SORBS2: variants seen among roughly 807,000 people sequenced by gnomAD.
SORBS2 encodes sorbin and SH3 domain-containing protein 2.
In SORBS2, 46 loss-of-function variants were observed where a neutral mutation model predicts 97.7. The ratio of observed to expected loss-of-function variants is 0.47; its 90% CI spans 0.37 to 0.60. SORBS2 has a LOEUF of 0.60. Ranked by LOEUF, SORBS2 falls within the 20% of genes least tolerant of loss-of-function variation. The pLI is 0.00. For missense variants in SORBS2, 1,316 were observed against 1,282.3 expected (o/e 1.03, Z -0.40); for synonymous variants, 476 against 473.4 (o/e 1.01, Z -0.07).
intron 2 of SORBS2, among the ~76,000 whole-genome samples, chr4:185,723,656 T>C (rs1161415537): frequency 1.3e-5 from 2 of 152,230 alleles, no homozygotes; most frequent in Admixed American, 6.5e-5. Context: ...AGGGAGTGTG[T>C]CTTATCCATG....
At chr4:185,640,556 G>T (rs1467030631) in intron 4 of SORBS2, among the ~76,000 whole-genome samples, 1 of 152,118 alleles carries the variant, frequency 6.6e-6, no homozygotes, top group Non-Finnish European at 1.5e-5. Flanking sequence ...AGAAGTAATA[G>T]TGAAATTGGT....
chr4:185,666,487 C>G (rs1359322836), intron 4 of SORBS2, among the ~76,000 whole-genome samples: 1 of 152,138 alleles, frequency 6.6e-6, no homozygotes, highest in Non-Finnish European at 1.5e-5. Context: ...GAAACTGTTT[C>G]CTCAGGAGTT....
chr4:185,646,207 T>C (rs2097204011), intron 4 of SORBS2: 1 of 152,544 alleles, frequency 6.6e-6, no homozygotes, highest in Non-Finnish European at 1.5e-5. Context: ...GGTCCATGTA[T>C]ATTGGGGAGA....
intron 12 of SORBS2, among the ~76,000 whole-genome samples, chr4:185,598,217 T>G (rs1441659218): frequency 6.6e-6 from 1 of 150,422 alleles, no homozygotes; most frequent in Admixed American, 6.6e-5. Context: ...CCTTGATGAA[T>G]CTTAAGAGTA....
chr4:185,952,214 G>A (rs2099277551), intron 1 of SORBS2, among the ~76,000 whole-genome samples: 1 of 152,118 alleles, frequency 6.6e-6, no homozygotes. Flanking sequence ...TTTTAGTAGA[G>A]ACAGGGTTTC....
At chr4:185,780,007 ATTTTTTTT>A (rs538693770) in intron 1 of SORBS2, among the ~76,000 whole-genome samples, 18 of 98,114 alleles carry the variant, frequency 1.8e-4, no homozygotes, top group African/African-American at 4.1e-4. Flanking sequence ...GTAGAGTAAC[ATTTTTTTT>A]TTTTTTTTTT....
intron 2 of SORBS2, among the ~76,000 whole-genome samples, chr4:185,706,689 T>TCA (rs534971385): frequency 8.8e-4 from 134 of 152,354 alleles, no homozygotes; most frequent in African/African-American, 3.2e-3. Context: ...TCCATGCTTA[T>TCA]CATTCTCTTC....
At chr4:185,727,054 C>T (rs552453455) in intron 2 of SORBS2, among the ~76,000 whole-genome samples, 103 of 152,252 alleles carry the variant, frequency 6.8e-4, no homozygotes, top group African/African-American at 2.3e-3. Context: ...ACATTAAGTA[C>T]GCTTTGAACA....
chr4:185,592,359 T>C (rs2095966456), intron 13 of SORBS2, among the ~76,000 whole-genome samples: 2 of 152,350 alleles, frequency 1.3e-5, no homozygotes, highest in East Asian at 1.9e-4. Context: ...ATCAGGACTT[T>C]GAAAATGTAA....
chr4:185,908,313 ATATATATATTTG>A (rs1561289741), intron 1 of SORBS2, among the ~76,000 whole-genome samples: 2 of 132,150 alleles, frequency 1.5e-5, no homozygotes, highest in Non-Finnish European at 3.3e-5. Context: ...ATATATATAT[ATATATATATTTG>A]TATACACACA....
chr4:185,895,536 G>A (rs2099244597), intron 1 of SORBS2, among the ~76,000 whole-genome samples: 1 of 152,232 alleles, frequency 6.6e-6, no homozygotes, highest in Non-Finnish European at 1.5e-5. Context: ...GACACCTGGT[G>A]CTGCATGGCA....
intron 2 of SORBS2, among the ~76,000 whole-genome samples, chr4:185,737,792 G>T (rs971813378): frequency 6.6e-6 from 1 of 152,212 alleles, no homozygotes; most frequent in Non-Finnish European, 1.5e-5. Context: ...ACCTCATGTT[G>T]AGTTCTGAGG....
At chr4:185,662,669 G>C (rs1440640953) in intron 4 of SORBS2, among the ~76,000 whole-genome samples, 1 of 152,226 alleles carries the variant, frequency 6.6e-6, no homozygotes, top group Non-Finnish European at 1.5e-5. Flanking sequence ...GCAAGGGATT[G>C]GTTCTCAGAC....
At chr4:185,692,218 T>A (rs1283491535) in intron 2 of SORBS2, among the ~76,000 whole-genome samples, 2 of 152,170 alleles carry the variant, frequency 1.3e-5, no homozygotes, top group African/African-American at 4.8e-5. Flanking sequence ...TGGCCTTTGC[T>A]CCTGAGTGGG....
exon 15 of SORBS2, chr4:185,587,674 T>A (rs554559125): frequency 6.2e-7 from 1 of 1,613,332 alleles, no homozygotes; most frequent in Admixed American, 1.7e-5. Context: ...AAGAATTTGG[T>A]TCTTCTTGAG....
chr4:185,818,781 G>A (rs1025868716), intron 1 of SORBS2, among the ~76,000 whole-genome samples: 4 of 151,414 alleles, frequency 2.6e-5, no homozygotes, highest in South Asian at 2.1e-4. Flanking sequence ...AGCCGAGATC[G>A]TGCCACTGCA....
intron 1 of SORBS2, among the ~76,000 whole-genome samples, chr4:185,905,610 T>TC (rs769579470): frequency 1.3e-4 from 20 of 152,310 alleles, no homozygotes; most frequent in Non-Finnish European, 2.6e-4. Flanking sequence ...TCATTGTTTC[T>TC]TCTCTCTCTT....
chr4:185,787,902 C>A (rs1401731075), intron 1 of SORBS2, among the ~76,000 whole-genome samples: 1 of 152,182 alleles, frequency 6.6e-6, no homozygotes, highest in Non-Finnish European at 1.5e-5. Context: ...GTAATCATCC[C>A]CTACACATTT....
chr4:185,716,677 G>A (rs1399083092), intron 2 of SORBS2, among the ~76,000 whole-genome samples: 1 of 152,152 alleles, frequency 6.6e-6, no homozygotes, highest in Non-Finnish European at 1.5e-5. Flanking sequence ...TTACTCCACA[G>A]ATGGTGGAGT....
Sources: gnomAD v4.1 joint callset for allele counts (sites outside exome capture counted in the v4.1 genomes callset) on GRCh38, gnomAD v4.1.1 for gene constraint, MANE v1.5 for transcripts, NCBI Gene and HGNC (gene_info 2026-07-23, HGNC 2026-07-21) for gene names.